The following MTSS1 variants were observed in gnomAD, a reference collection of about 807,000 sequenced individuals.
MTSS1 encodes the protein protein MTSS 1.
MTSS1 carries 18 observed loss-of-function variants against 79.0 expected under a neutral mutation model. That is an observed-to-expected ratio of 0.23 (90% CI 0.16 to 0.34). The LOEUF is 0.34. Ranked by LOEUF, MTSS1 falls within the 10% of genes least tolerant of loss-of-function variation. MTSS1 has a pLI of 1.00. For missense variants in MTSS1, 815 were observed against 986.2 expected (o/e 0.83, Z 2.33); for synonymous variants, 341 against 368.6 (o/e 0.93, Z 0.86).
At chr8:124,657,132 T>C (rs1381186159) in intron 3 of MTSS1, among the ~76,000 whole-genome samples, 8 of 152,200 alleles carry the variant, frequency 5.3e-5, no homozygotes, top group Non-Finnish European at 7.3e-5. Flanking sequence ...GTATTGTGGT[T>C]ATGGGTTGGT....
intron 3 of MTSS1, among the ~76,000 whole-genome samples, chr8:124,617,995 C>T (rs911643448): frequency 1.3e-5 from 2 of 152,140 alleles, no homozygotes; most frequent in Non-Finnish European, 2.9e-5. Flanking sequence ...GTGGGTTATG[C>T]AGGTTTTCTG....
At chr8:124,718,942 C>T (rs2135757475) in intron 1 of MTSS1, among the ~76,000 whole-genome samples, 1 of 152,334 alleles carries the variant, frequency 6.6e-6, no homozygotes, top group East Asian at 1.9e-4. Context: ...ACCCCTTGAG[C>T]TTCTGGAAGA....
At chr8:124,581,694 T>C (rs929200690) in intron 6 of MTSS1, among the ~76,000 whole-genome samples, 2 of 152,140 alleles carry the variant, frequency 1.3e-5, no homozygotes, top group African/African-American at 4.8e-5. Context: ...GACCTCATGA[T>C]GCACCCGCCT....
chr8:124,631,535 C>T (rs1291962220), intron 3 of MTSS1, among the ~76,000 whole-genome samples: 10 of 152,242 alleles, frequency 6.6e-5, no homozygotes, highest in Non-Finnish European at 1.5e-4. Flanking sequence ...CCTCACCGTG[C>T]ACCAGACCTT....
intron 10 of MTSS1, among the ~76,000 whole-genome samples, chr8:124,559,703 C>A (rs1824863189): frequency 6.6e-6 from 1 of 152,192 alleles, no homozygotes; most frequent in Non-Finnish European, 1.5e-5. Context: ...AGTTCTGGAC[C>A]TGGCACATGG....
At chr8:124,557,952 C>T (rs1824370483) in intron 10 of MTSS1, 77 bp from the exon 11 acceptor site, 1 of 1,167,862 alleles carries the variant, frequency 8.6e-7, no homozygotes, top group East Asian at 2.6e-5. Context: ...TACAAAATGG[C>T]ATTGACATTC....
chr8:124,704,022 T>G (rs1305339584), intron 2 of MTSS1, 108 bp downstream of exon 2: 5 of 965,152 alleles, frequency 5.2e-6, no homozygotes, highest in Non-Finnish European at 8.2e-6. Flanking sequence ...CTTCCCTATC[T>G]GCAGCACTTC....
At chr8:124,692,009 T>C (rs1262111163) in intron 3 of MTSS1, among the ~76,000 whole-genome samples, 1 of 151,720 alleles carries the variant, frequency 6.6e-6, no homozygotes, top group Non-Finnish European at 1.5e-5. Flanking sequence ...TTTCAGGTGA[T>C]AGATATCCCA....
Position 124,727,025 on chromosome 8 carries a change from C to A in MTSS1, c.72+859G>T, listed in dbSNP as rs181325534. On this transcript the variant is annotated intron_variant, in intron 1 of 13. Transcript: ENST00000518547. The surrounding 1 kb of genome is among the most constrained non-coding windows in gnomAD (Gnocchi z 4.7). Reference sequence around the variant, plus strand: ...CACCAGAAAATCCACATCCGAGGATCAGGTTATCCCCAGTCCCACCCTTTG... The same window carrying A: ...CACCAGAAAATCCACATCCGAGGATAAGGTTATCCCCAGTCCCACCCTTTG... Among the ~76,000 whole-genome samples, 159 of 152,318 alleles carry A rather than the reference C, an allele frequency of 1.0e-3. 1 individual carries two copies. Among genetic ancestry groups the A allele is most frequent in the Admixed American group, 3.5e-3 (53 of 15,300 alleles).
At chr8:124,719,586 A>C (rs1048075398) in intron 1 of MTSS1, among the ~76,000 whole-genome samples, 1 of 152,230 alleles carries the variant, frequency 6.6e-6, no homozygotes, top group Non-Finnish European at 1.5e-5. Context: ...TCCACCCCCC[A>C]GCAGCACCTG....
intron 1 of MTSS1, among the ~76,000 whole-genome samples, chr8:124,723,328 G>C (rs190858059): frequency 2.0e-5 from 3 of 152,238 alleles, no homozygotes; most frequent in African/African-American, 7.2e-5. Flanking sequence ...TAAGAACTGG[G>C]CAATGGCTGA....
chr8:124,728,178 A>G lies in MTSS1; in HGVS notation c.-223T>C, dbSNP rs1834013260. On this transcript the variant is annotated 5_prime_UTR_variant, in exon 1 of 14. Transcript: ENST00000518547. This position sits in a 1 kb window ranked among gnomAD's most constrained non-coding sequence, Gnocchi z 6.1. ...ACCGCTCTGTAGGGTATTCGCCTAC[A>G]AGCAGCGCTCGGCTCCTGGCCTTAA... The G allele has an allele frequency of 2.4e-6, 1 of 418,810 alleles. No homozygotes were observed. The highest frequency in any genetic ancestry group is 4.5e-5 in the Admixed American group (1 of 22,058). 25.9% of individuals were successfully genotyped at this position (418,810 alleles called of 1,614,324 possible).
At chr8:124,614,892 T>A (rs1321558462) in intron 3 of MTSS1, among the ~76,000 whole-genome samples, 1 of 152,212 alleles carries the variant, frequency 6.6e-6, no homozygotes, top group Non-Finnish European at 1.5e-5. Context: ...AAATAGTCCT[T>A]GCCCTAAAAT....
At chr8:124,646,232 C>T (rs1478448010) in intron 3 of MTSS1, among the ~76,000 whole-genome samples, 8 of 152,132 alleles carry the variant, frequency 5.3e-5, no homozygotes, top group Admixed American at 2.0e-4. Flanking sequence ...GATTATAAGC[C>T]TTAGTCTTTT....
At chr8:124,649,935 T>C (rs891326253) in intron 3 of MTSS1, among the ~76,000 whole-genome samples, 2 of 151,492 alleles carry the variant, frequency 1.3e-5, no homozygotes, top group African/African-American at 2.4e-5. Context: ...TCTCCGAACA[T>C]TGTATCTTTC....
At chr8:124,619,641 G>A (rs1813069565) in intron 3 of MTSS1, among the ~76,000 whole-genome samples, 1 of 151,854 alleles carries the variant, frequency 6.6e-6, no homozygotes. Flanking sequence ...AAATGAACCT[G>A]CACAAAATAG....
At chr8:124,560,182 A>G (rs1038589440) in intron 10 of MTSS1, among the ~76,000 whole-genome samples, 2 of 148,486 alleles carry the variant, frequency 1.3e-5, no homozygotes, top group Non-Finnish European at 3.0e-5. Flanking sequence ...GCCAATTCCC[A>G]GTCGAGAAAC....
chr8:124,688,022 C>G (rs561740797), intron 3 of MTSS1, among the ~76,000 whole-genome samples: 1 of 152,274 alleles, frequency 6.6e-6, no homozygotes, highest in South Asian at 2.1e-4. Context: ...TATTAGTTTC[C>G]ATGGTAACCG....
intron 3 of MTSS1, among the ~76,000 whole-genome samples, chr8:124,666,384 C>T (rs755689889): frequency 4.6e-5 from 7 of 152,174 alleles, no homozygotes; most frequent in Non-Finnish European, 1.0e-4. Context: ...ATGTGCTGTA[C>T]AAGCACGATA....
Sources: gnomAD v4.1 joint callset for allele counts (sites outside exome capture counted in the v4.1 genomes callset) on GRCh38, gnomAD v4.1.1 for gene constraint, Gnocchi (gnomAD v3.1) non-coding constraint, MANE v1.5 for transcripts, NCBI Gene and HGNC (gene_info 2026-07-23, HGNC 2026-07-21) for gene names.